LAMC1: variants seen among roughly 807,000 people sequenced by gnomAD.
LAMC1 encodes laminin subunit gamma-1.
Under a neutral mutation model 173.6 loss-of-function variants are expected in LAMC1, and 38 were observed. That is an observed-to-expected ratio of 0.22 (90% confidence interval 0.17 to 0.29). LAMC1 has a LOEUF of 0.29. Ranked by LOEUF, LAMC1 falls within the 10% of genes least tolerant of loss-of-function variation. The pLI is 1.00. For missense variants in LAMC1, 1,824 were observed against 2,051.8 expected (o/e 0.89, Z 2.14); for synonymous variants, 746 against 749.1 (o/e 1.00, Z 0.07).
Position 183,060,484 on chromosome 1 carries a change from T to G in LAMC1, c.418+36350T>G, listed in dbSNP as rs115574109. Among the ~76,000 whole-genome samples the G allele has an allele frequency of 1.7e-3, 257 of 152,296 alleles. 3 individuals carry two copies. Among genetic ancestry groups the G allele is most frequent in the African/African-American group, 5.1e-3 (212 of 41,556 alleles). ...GACTCAATTCAAACTTTATTTCTAC[T>G]GTGCAGTCTCTTGGACCAGGCTCTC... On this transcript the variant is annotated intron_variant, in intron 1 of 27. Transcript: ENST00000258341.
intron 2 of LAMC1, among the ~76,000 whole-genome samples, chr1:183,105,644 A>AC (rs1166783024): frequency 6.6e-6 from 1 of 151,884 alleles, no homozygotes; most frequent in Non-Finnish European, 1.5e-5. Flanking sequence ...TTAAAAAAAA[A>AC]AATGCTGTGG....
chr1:183,066,898 A>G (rs1366606976), intron 1 of LAMC1, among the ~76,000 whole-genome samples: 1 of 152,160 alleles, frequency 6.6e-6, no homozygotes, highest in Non-Finnish European at 1.5e-5. Context: ...ACCACCATGC[A>G]CATGTTGTGT....
At position 183,140,493 on chromosome 1, in the gene LAMC1, G is replaced by A; in HGVS notation, c.4563G>A (p.Leu1521=). 6.2e-7 allele frequency: 1 copy of A among 1,611,096 alleles called. No homozygotes were observed. Among genetic ancestry groups the A allele is most frequent in the African/African-American group, 1.3e-5 (1 of 74,924 alleles). Residue 1521 remains leucine (L), a synonymous_variant, in exon 27 of 28, where the codon TTG becomes TTA. Transcript: ENST00000258341. ...TSLLSIINDL[L]EQLGQLDTVD... is the part of the protein sequence containing the mutation. ...TCCTCAGCATTATTAATGACCTCTTGGAGCAGCTGGGTACGTAGCCATAGA... is the reference window on the plus strand; with the variant it reads ...TCCTCAGCATTATTAATGACCTCTTAGAGCAGCTGGGTACGTAGCCATAGA...
At chr1:183,058,509 T>A (rs1654657217) in intron 1 of LAMC1, among the ~76,000 whole-genome samples, 1 of 152,228 alleles carries the variant, frequency 6.6e-6, no homozygotes, top group Admixed American at 6.5e-5. Context: ...TGAAGAATGA[T>A]GGATTTGGTG....
Position 183,023,630 on chromosome 1 carries a change from G to A in LAMC1, c.-87G>A, listed in dbSNP as rs1653595279. 1.9e-6 allele frequency: 2 copies of A among 1,044,466 alleles called. No individual in the cohort carries two copies. The highest frequency in any genetic ancestry group is 2.4e-6 in the Non-Finnish European group (2 of 847,772). 64.7% of individuals were successfully genotyped at this position (1,044,466 alleles called of 1,614,324 possible). On this transcript the variant is annotated 5_prime_UTR_variant, in exon 1 of 28. Coordinates refer to ENST00000258341, the MANE Select transcript of LAMC1 (RefSeq NM_002293.4). The stretch of plus-strand genomic sequence containing the variant: ...GCCCCTGGGCCCCCAGGCTCAAGCA[G>A]CGAAGCGGCCTCCGGGGGACGCCGC...
chr1:183,040,461 G>T (rs1236772358), intron 1 of LAMC1, among the ~76,000 whole-genome samples: 1 of 152,164 alleles, frequency 6.6e-6, no homozygotes, highest in Non-Finnish European at 1.5e-5. Context: ...CTGAAATACA[G>T]ATATTCCATA....
At chr1:183,030,963 C>A (rs1200311770) in intron 1 of LAMC1, among the ~76,000 whole-genome samples, 2 of 152,034 alleles carry the variant, frequency 1.3e-5, no homozygotes, top group Non-Finnish European at 2.9e-5. Context: ...ACCCACTACA[C>A]CCCAGCCTGG....
At position 183,023,932 on chromosome 1, in the gene LAMC1, G is replaced by C. The variant is rs747879406; in HGVS notation, c.216G>C (p.Pro72=). ...TGGCCACCAACACGTGTGGGACTCCGCCCGAGGAATACTGTGTGCAGACCG... is the reference window on the plus strand; with the variant it reads ...TGGCCACCAACACGTGTGGGACTCCCCCCGAGGAATACTGTGTGCAGACCG... ...TVVATNTCGT[P]PEEYCVQTGV... is the part of the protein sequence containing the mutation. The change falls in exon 1 of 28, where the codon CCG becomes CCC. Residue 72 remains proline, a synonymous_variant. Transcript: ENST00000258341. 2 of 1,613,224 alleles carry C rather than the reference G, an allele frequency of 1.2e-6. No individual in the cohort carries two copies. The highest frequency in any genetic ancestry group is 2.2e-5 in the South Asian group (2 of 91,064).
Position 183,118,107 on chromosome 1 carries a change from T to C in LAMC1, c.1951T>C (p.Leu651=). 6.2e-7 allele frequency: 1 copy of C among 1,611,644 alleles called. No individual in the cohort carries two copies. The highest frequency in any genetic ancestry group is 1.7e-5 in the Admixed American group (1 of 60,008). ...PFEFQKLLNN[L]TSIKIRGTYS... ...TGAATTTCAGAAGCTCCTAAACAACTTGACCTCTATCAAGATACGTGGGAC... is the reference window on the plus strand; with the variant it reads ...TGAATTTCAGAAGCTCCTAAACAACCTGACCTCTATCAAGATACGTGGGAC... Residue 651 remains leucine (L), a synonymous_variant, in exon 11 of 28, where the codon TTG becomes CTG. Coordinates refer to ENST00000258341, the MANE Select transcript of LAMC1 (RefSeq NM_002293.4).
intron 1 of LAMC1, among the ~76,000 whole-genome samples, chr1:183,034,461 C>A (rs890535164): frequency 6.6e-6 from 1 of 152,022 alleles, no homozygotes; most frequent in South Asian, 2.1e-4. Context: ...TTAGTAGAGT[C>A]GGGGTTTTAC....
At chr1:183,084,384 C>CTTAA (rs1213690522) in intron 1 of LAMC1, among the ~76,000 whole-genome samples, 6 of 151,814 alleles carry the variant, frequency 4.0e-5, no homozygotes. Flanking sequence ...AACATCAGCA[C>CTTAA]TTTTAATTTT....
At position 183,130,471 on chromosome 1, in the gene LAMC1, C is replaced by T; in HGVS notation, c.3408C>T (p.Ala1136=). 1 of 1,614,118 alleles carries T rather than the reference C, an allele frequency of 6.2e-7. No homozygotes were observed. Among genetic ancestry groups the T allele is most frequent in the Non-Finnish European group, 8.5e-7 (1 of 1,180,014 alleles). ...ETGNLAEQAR[A]HVENTERLIE... The stretch of plus-strand genomic sequence containing the variant: ...GAAACTTGGCTGAACAAGCGCGTGC[C>T]CATGTAGAGAACACAGAGCGGTTGA... Residue 1136 remains alanine (A), a synonymous_variant, in exon 19 of 28, where the codon GCC becomes GCT. Transcript: ENST00000258341.
intron 1 of LAMC1, among the ~76,000 whole-genome samples, chr1:183,087,004 C>G (rs1655445828): frequency 6.6e-6 from 1 of 152,134 alleles, no homozygotes. Context: ...CTTGTATAAA[C>G]TCTTTATTTT....
chr1:183,032,473 A>C (rs1215813339), intron 1 of LAMC1, among the ~76,000 whole-genome samples: 1 of 151,476 alleles, frequency 6.6e-6, no homozygotes, highest in Non-Finnish European at 1.5e-5. Flanking sequence ...TTGTTTTGAA[A>C]GTTGGAGGAG....
At chr1:183,131,017 A>C (rs1656769179) in intron 19 of LAMC1, among the ~76,000 whole-genome samples, 1 of 152,144 alleles carries the variant, frequency 6.6e-6, no homozygotes, top group South Asian at 2.1e-4. Context: ...TCTACTAAAA[A>C]TACAAAATTA....
At chr1:183,133,162 C>T (rs1479830096) in intron 21 of LAMC1, among the ~76,000 whole-genome samples, 2 of 152,202 alleles carry the variant, frequency 1.3e-5, no homozygotes, top group Non-Finnish European at 2.9e-5. Flanking sequence ...CTGCTCACCT[C>T]AGCCTCCCAA....
chr1:183,107,250 C>T (rs1470408940), intron 2 of LAMC1, among the ~76,000 whole-genome samples: 1 of 152,108 alleles, frequency 6.6e-6, no homozygotes, highest in East Asian at 1.9e-4. Flanking sequence ...AATTTCCTGC[C>T]CTCGTGGTAC....
At chr1:183,034,365 G>T (rs977779614) in intron 1 of LAMC1, among the ~76,000 whole-genome samples, 1 of 152,106 alleles carries the variant, frequency 6.6e-6, no homozygotes, top group Non-Finnish European at 1.5e-5. Flanking sequence ...CCGCCTCCCG[G>T]GTTCAAGTGA....
intron 14 of LAMC1, 178 bp from the exon 15 acceptor site, chr1:183,125,219 C>T (rs1428456117): frequency 1.1e-5 from 7 of 644,434 alleles, no homozygotes; most frequent in Non-Finnish European, 1.9e-5. Flanking sequence ...GTGTATCTCA[C>T]GTTTATAGCA....
Sources: allele counts gnomAD v4.1 joint callset (sites outside exome capture counted in the v4.1 genomes callset), GRCh38; gene constraint gnomAD v4.1.1; transcripts MANE v1.5; gene names NCBI Gene and HGNC (gene_info 2026-07-23, HGNC 2026-07-21).